Variants in PCDH15 observed in about 807,000 individuals in gnomAD.
PCDH15 encodes protocadherin-15.
A neutral mutation model predicts 178.5 loss-of-function variants in PCDH15; 129 were observed. The ratio of observed to expected loss-of-function variants is 0.72; its 90% CI spans 0.63 to 0.84. PCDH15 has a LOEUF of 0.84. PCDH15 is among the 40% of genes least tolerant of loss of function. The pLI, the probability that PCDH15 is intolerant of heterozygous loss-of-function variation, is 0.00. For missense variants in PCDH15, 2,230 were observed against 2,099.9 expected, an observed-to-expected ratio of 1.06 and a Z score of -1.21; for synonymous variants, 800 against 732.0, an observed-to-expected ratio of 1.09 and a Z score of -1.50.
At chr10:53,994,255 G>A (rs1377805270) in intron 21 of PCDH15, among the ~76,000 whole-genome samples, 1 of 152,074 alleles carries the variant, frequency 6.6e-6, no homozygotes, top group Non-Finnish European at 1.5e-5. Context: ...TCCCATGTAG[G>A]TGAAAAATAG....
intron 2 of PCDH15, chr10:54,607,083 G>C (rs1293493767): frequency 1.3e-5 from 2 of 151,928 alleles, no homozygotes; most frequent in African/African-American, 4.8e-5. Context: ...AAGTAATAAA[G>C]GTCTTTTAGT....
chr10:53,892,113 C>T (rs943541839), intron 26 of PCDH15, among the ~76,000 whole-genome samples: 30 of 143,894 alleles, frequency 2.1e-4, no homozygotes, highest in African/African-American at 6.9e-4. Context: ...CAACCTCAGA[C>T]GCCTGGATTC....
At chr10:55,613,666 A>G (rs1348311041) in intron 2 of PCDH15, among the ~76,000 whole-genome samples, 1 of 152,120 alleles carries the variant, frequency 6.6e-6, no homozygotes, top group Non-Finnish European at 1.5e-5. Flanking sequence ...AAGTGTATTA[A>G]ATGAATCTGT....
chr10:54,834,122 G>A (rs1179399305), intron 3 of PCDH15, among the ~76,000 whole-genome samples: 4 of 151,834 alleles, frequency 2.6e-5, no homozygotes, highest in Admixed American at 6.6e-5. Flanking sequence ...ATACTGGAAT[G>A]GACATCCAGT....
intron 2 of PCDH15, among the ~76,000 whole-genome samples, chr10:55,026,600 G>A (rs1400216878): frequency 6.6e-6 from 1 of 151,872 alleles, no homozygotes; most frequent in Non-Finnish European, 1.5e-5. Flanking sequence ...GAGCAATATG[G>A]ACCTGGGCCA....
intron 3 of PCDH15, among the ~76,000 whole-genome samples, chr10:54,380,744 A>ATATATATATATATG (rs1949134986): frequency 8.7e-6 from 1 of 114,930 alleles, no homozygotes; most frequent in African/African-American, 3.6e-5. Context: ...ATATATATAT[A>ATATATATATATATG]TATGCTCCAA....
rs80143445 is a variant in PCDH15, at chr10:53,857,294, T to G, written c.3718-31A>C. The G allele has an allele frequency of 2.3e-5, 36 of 1,535,078 alleles. No homozygotes were observed. In the African/African-American group the frequency reaches 3.4e-4, roughly 15 times the overall value. ...AGAAGAAAAAACAGAATTCATTTAA[T>G]TTTTACTCACTGAAATTTCCATAAT... On this transcript the variant is annotated intron_variant, in intron 27 of 37. Coordinates refer to ENST00000644397, the MANE Select transcript of PCDH15 (RefSeq NM_001384140.1).
chr10:54,159,632 A>G (rs1008223241), intron 13 of PCDH15, among the ~76,000 whole-genome samples: 3 of 152,174 alleles, frequency 2.0e-5, no homozygotes, highest in African/African-American at 7.2e-5. Flanking sequence ...TTATTTTTCT[A>G]GGATTATTGT....
chr10:54,592,949 C>G (rs1164618301), intron 2 of PCDH15, among the ~76,000 whole-genome samples: 1 of 152,126 alleles, frequency 6.6e-6, no homozygotes, highest in Admixed American at 6.5e-5. Context: ...AATCTTTCAT[C>G]TTTCATCTAC....
intron 3 of PCDH15, among the ~76,000 whole-genome samples, chr10:54,460,896 G>A (rs770098469): frequency 1.3e-5 from 2 of 152,066 alleles, no homozygotes; most frequent in Non-Finnish European, 2.9e-5. Context: ...ATTGAAAAAT[G>A]TATTTTTAGG....
chr10:54,916,454 G>A (rs1423841153), intron 2 of PCDH15, among the ~76,000 whole-genome samples: 4 of 152,064 alleles, frequency 2.6e-5, no homozygotes, highest in Admixed American at 6.6e-5. Flanking sequence ...TTCCTCATCT[G>A]GTATCTGTCT....
At chr10:55,437,972 G>A (rs186234535) in intron 2 of PCDH15, among the ~76,000 whole-genome samples, 11 of 150,840 alleles carry the variant, frequency 7.3e-5, no homozygotes, top group Admixed American at 1.3e-4. Context: ...CGGGTACCTA[G>A]ATTACAGGCA....
At chr10:54,645,693 G>T (rs944919775) in intron 2 of PCDH15, among the ~76,000 whole-genome samples, 1 of 152,046 alleles carries the variant, frequency 6.6e-6, no homozygotes, top group African/African-American at 2.4e-5. Flanking sequence ...TATTGTGCAG[G>T]TTTGTGTATG....
chr10:54,374,224 G>A (rs1451617003), intron 4 of PCDH15, among the ~76,000 whole-genome samples: 1 of 151,982 alleles, frequency 6.6e-6, no homozygotes, highest in Non-Finnish European at 1.5e-5. Flanking sequence ...AAGATACAAG[G>A]TGGAGATAAA....
At chr10:54,346,224 A>T (rs563753973) in intron 6 of PCDH15, 141 bp downstream of exon 6, 1 of 824,796 alleles carries the variant, frequency 1.2e-6, no homozygotes, top group Non-Finnish European at 1.9e-6. Flanking sequence ...CAAATAATTC[A>T]ATTTTGAGAC....
At chr10:55,198,232 T>A (rs567475227) in intron 1 of PCDH15, among the ~76,000 whole-genome samples, 1 of 152,270 alleles carries the variant, frequency 6.6e-6, no homozygotes, top group East Asian at 1.9e-4. Flanking sequence ...GTAGTTCTAC[T>A]GAGTAGAATT....
At chr10:55,477,857 A>G (rs566215747) in intron 2 of PCDH15, among the ~76,000 whole-genome samples, 1 of 151,990 alleles carries the variant, frequency 6.6e-6, no homozygotes, top group East Asian at 1.9e-4. Context: ...GACTGGTACT[A>G]TGTACTAAGG....
intron 3 of PCDH15, among the ~76,000 whole-genome samples, chr10:54,857,407 G>C (rs925091840): frequency 1.3e-5 from 2 of 152,044 alleles, no homozygotes; most frequent in Non-Finnish European, 2.9e-5. Context: ...TCTTAATTTA[G>C]TGATTCCTCA....
chr10:53,923,070 G>A (rs1397156428), intron 25 of PCDH15, among the ~76,000 whole-genome samples: 1 of 152,136 alleles, frequency 6.6e-6, no homozygotes, highest in East Asian at 1.9e-4. Context: ...CTGGGTGACA[G>A]AGCAAGACTC....
Sources: allele counts gnomAD v4.1 joint callset (sites outside exome capture counted in the v4.1 genomes callset), GRCh38; gene constraint gnomAD v4.1.1; transcripts MANE v1.5; gene names NCBI Gene and HGNC (gene_info 2026-07-23, HGNC 2026-07-21).